BRSK1: variants seen among roughly 807,000 people sequenced by gnomAD.
The protein encoded by BRSK1 is BR serine/threonine kinase 1.
In BRSK1, 17 loss-of-function variants were observed where a neutral mutation model predicts 86.2. That is an observed-to-expected ratio of 0.20 (90% confidence interval 0.14 to 0.30). The LOEUF is 0.30. BRSK1 is among the 10% of genes least tolerant of loss of function. The pLI is 1.00. For synonymous variants in BRSK1, 464 were observed against 440.1 expected (o/e 1.05, Z -0.68); for missense variants, 719 against 1,071.9 (o/e 0.67, Z 4.60).
intron 8 of BRSK1, 147 bp from the exon 9 acceptor site, chr19:55,301,990 T>G: frequency 1.0e-6 from 1 of 998,958 alleles, no homozygotes; most frequent in Non-Finnish European, 1.6e-6. Flanking sequence ...CAGTCGCCAC[T>G]AGAGGGCGAT....
At position 55,294,044 on chromosome 19, in the gene BRSK1, G is replaced by A. The variant is rs138020752; in HGVS notation, c.486G>A (p.Leu162=). The A allele has an allele frequency of 1.1e-3, 1,728 of 1,613,796 alleles. 1 individual carries two copies. The highest frequency in any genetic ancestry group is 2.9e-3 in the Admixed American group (174 of 59,988). The part of the protein sequence containing the change: ...ICHRDLKPEN[L]LLDEKNNIRI... ...ACAGAGACCTAAAGCCCGAGAACCT[G>A]CTTTTGGATGAGAAAAACAACATCC... The change falls in exon 5 of 19, where the codon CTG becomes CTA. Residue 162 remains leucine, a synonymous_variant. Transcript: ENST00000309383. The surrounding 1 kb of genome is among the most constrained non-coding windows in gnomAD (Gnocchi z 4.9).
chr19:55,289,438 C>T, intron 3 of BRSK1, 42 bp from the exon 4 acceptor site: 2 of 1,587,080 alleles, frequency 1.3e-6, no homozygotes, highest in Non-Finnish European at 1.7e-6. Flanking sequence ...TTTGGTCCTC[C>T]ACATGCCCCT....
chr19:55,304,780 C>G lies in BRSK1; in HGVS notation c.1577C>G (p.Ala526Gly). Residue 526 changes from alanine to glycine, a missense_variant, in exon 14 of 19, where the codon GCC becomes GGC. Around this residue, in one of 6 missense-constraint regions of BRSK1, gnomAD observed 143 missense variants for 120.1 expected, o/e 1.19. Coordinates refer to ENST00000309383, the MANE Select transcript of BRSK1 (RefSeq NM_032430.2). This position sits in a 1 kb window ranked among gnomAD's most constrained non-coding sequence, Gnocchi z 5.2. ...CACTCGCCTCTGCACACGCCCCGGG[C>G]CAGTCCCACCGGGACCCCGGGGACA... ...PLHSPLHTPR[A>G]SPTGTPGTTP... 2 of 1,557,922 alleles carry G rather than the reference C, an allele frequency of 1.3e-6. No individual in the cohort carries two copies. The highest frequency in any genetic ancestry group is 2.3e-5 in the South Asian group (2 of 86,006).
At chr19:55,308,532 A>C (rs757612848) in intron 17 of BRSK1, 107 bp from the exon 18 acceptor site, 1 of 755,458 alleles carries the variant, frequency 1.3e-6, no homozygotes, top group East Asian at 2.9e-5. Context: ...ACGGAGATGC[A>C]GGGGGGGTGT....
At chr19:55,289,100 G>A (rs1373066630) in intron 3 of BRSK1, among the ~76,000 whole-genome samples, 1 of 152,158 alleles carries the variant, frequency 6.6e-6, no homozygotes, top group East Asian at 1.9e-4. Context: ...AAGAATTGGG[G>A]TCTTTGACCT....
chr19:55,284,498 A>G lies in BRSK1; in HGVS notation c.56A>G (p.His19Arg). 10 of 403,720 alleles carry G rather than the reference A, an allele frequency of 2.5e-5. No individual in the cohort carries two copies. The highest frequency in any genetic ancestry group is 3.2e-5 in the Non-Finnish European group (8 of 251,838). 25.0% of individuals were successfully genotyped at this position (403,720 alleles called of 1,614,324 possible). The change falls in exon 1 of 19, where the codon CAC becomes CGC. Residue 19 changes from histidine (H) to arginine (R), a missense_variant. Physicochemically the swap from His to Arg is conservative, Grantham distance 29. Around this residue, in one of 6 missense-constraint regions of BRSK1, gnomAD observed 71 missense variants for 92.6 expected, o/e 0.77. Coordinates refer to ENST00000309383, the MANE Select transcript of BRSK1 (RefSeq NM_032430.2). ...GGCTCTCCCGCCTACCACCTCCCCC[A>G]CCCCCACCCCCACCCACCCCAGCAC... is the stretch of plus-strand genomic sequence containing the variant. Reference protein sequence around the residue: ...GGGSPAYHLPHPHPHPPQHAQ... With the variant: ...GGGSPAYHLPRPHPHPPQHAQ...
chr19:55,289,975 G>A (rs770802682), intron 4 of BRSK1, among the ~76,000 whole-genome samples: 43 of 151,920 alleles, frequency 2.8e-4, no homozygotes, highest in Non-Finnish European at 5.3e-4. Context: ...GGAATCATAC[G>A]ATACATGGCC....
At position 55,304,977 on chromosome 19, in the gene BRSK1, T is replaced by G. The variant is rs1344124581; in HGVS notation, c.1717+57T>G. 1.9e-6 allele frequency: 3 copies of G among 1,588,914 alleles called. No individual in the cohort carries two copies. In the African/African-American group the frequency reaches 4.0e-5, roughly 21 times the overall value. On this transcript the variant is annotated intron_variant, in intron 14 of 18. Coordinates refer to ENST00000309383, the MANE Select transcript of BRSK1 (RefSeq NM_032430.2). This position sits in a 1 kb window ranked among gnomAD's most constrained non-coding sequence, Gnocchi z 5.2. The stretch of plus-strand genomic sequence containing the variant: ...TGGGGAGAGGTTGGGGCTAAAAATC[T>G]GGTTCCAGGGATGTCCGTCTGGCGT...
rs568433907 is a variant in BRSK1, at chr19:55,305,786, T to A, written c.1890+200T>A. On this transcript the variant is annotated intron_variant, in intron 16 of 18. Transcript: ENST00000309383. ...GAGGCCTGGAATTGGGGAAATAGGA[T>A]CCTGAATTGCAATGTCCTCAAGGAT... Among the ~76,000 whole-genome samples the A allele has an allele frequency of 3.9e-5, 6 of 152,238 alleles. No individual in the cohort carries two copies. The East Asian group carries it at 1.2e-3, about 29-fold the overall frequency.
rs1382569693 is a variant in BRSK1 at position 55,294,445 on chromosome 19, G to A, written c.678+48G>A. On this transcript the variant is annotated intron_variant, in intron 7 of 18. Coordinates refer to ENST00000309383, the MANE Select transcript of BRSK1 (RefSeq NM_032430.2). The surrounding 1 kb of genome is among the most constrained non-coding windows in gnomAD (Gnocchi z 4.9). ...GTCATTTCTAGATCAATCCCACCTGGTGGGAGCATAGGACAGTACCTTCCA... is the reference window on the plus strand; with the variant it reads ...GTCATTTCTAGATCAATCCCACCTGATGGGAGCATAGGACAGTACCTTCCA... The A allele has an allele frequency of 1.3e-6, 2 of 1,599,888 alleles. No homozygotes were observed. Among genetic ancestry groups the A allele is most frequent in the African/African-American group, 1.3e-5 (1 of 74,664 alleles).
intron 18 of BRSK1, among the ~76,000 whole-genome samples, chr19:55,309,032 T>C (rs1600197090): frequency 1.3e-5 from 2 of 151,954 alleles, no homozygotes; most frequent in Admixed American, 1.3e-4. Context: ...CAGGAGTCCC[T>C]AAGAAGATGA....
At chr19:55,307,446 G>A (rs2088669701) in intron 17 of BRSK1, among the ~76,000 whole-genome samples, 1 of 151,448 alleles carries the variant, frequency 6.6e-6, no homozygotes, top group Non-Finnish European at 1.5e-5. Context: ...CTACTCAGGA[G>A]GCTGAGGCAG....
intron 18 of BRSK1, 56 bp downstream of exon 18, chr19:55,308,784 CGGGGGG>C (rs2088712465): frequency 1.3e-4 from 2 of 15,122 alleles, no homozygotes; most frequent in Admixed American, 1.6e-3. Context: ...CCGTGGGTGG[CGGGGGG>C]CGTGGGTGGC....
At chr19:55,291,301 G>A (rs557483389) in intron 4 of BRSK1, among the ~76,000 whole-genome samples, 109 of 152,152 alleles carry the variant, frequency 7.2e-4, no homozygotes, top group Middle Eastern at 6.8e-3. Flanking sequence ...CACTTTGGGA[G>A]GCCAAGGCGG....
At chr19:55,308,365 C>CCTG (rs1246381269) in intron 17 of BRSK1, among the ~76,000 whole-genome samples, 4 of 105,996 alleles carry the variant, frequency 3.8e-5, no homozygotes, top group African/African-American at 1.9e-4. Flanking sequence ...TCATGGCCTC[C>CCTG]GCTAGAAACT....
At chr19:55,290,243 G>A (rs535519843) in intron 4 of BRSK1, among the ~76,000 whole-genome samples, 50 of 152,250 alleles carry the variant, frequency 3.3e-4, no homozygotes, top group African/African-American at 1.1e-3. Context: ...TGATCTGCCC[G>A]CCTAGGCCTC....
At position 55,310,610 on chromosome 19, in the gene BRSK1, A is replaced by G. The variant is rs902652920; in HGVS notation, c.2180-1301A>G. Among the ~76,000 whole-genome samples, 9 of 152,210 alleles carry G rather than the reference A, an allele frequency of 5.9e-5. No homozygotes were observed. The highest frequency in any genetic ancestry group is 7.4e-5 in the Non-Finnish European group (5 of 67,994). Reference sequence around the variant, plus strand: ...TTTCCTCCCCTCAACTGGGGAAAACAGGGGGATGCCAATGGCCTCTTGTAG... The same window carrying G: ...TTTCCTCCCCTCAACTGGGGAAAACGGGGGGATGCCAATGGCCTCTTGTAG... On this transcript the variant is annotated intron_variant, in intron 18 of 18. Coordinates refer to ENST00000309383, the MANE Select transcript of BRSK1 (RefSeq NM_032430.2). This position sits in a 1 kb window ranked among gnomAD's most constrained non-coding sequence, Gnocchi z 5.0.
At chr19:55,295,711 T>G (rs373196964) in intron 7 of BRSK1, among the ~76,000 whole-genome samples, 170 of 152,282 alleles carry the variant, frequency 1.1e-3, no homozygotes, top group African/African-American at 3.9e-3. Flanking sequence ...CTCACACCTG[T>G]AATCCCAGCA....
In BRSK1 at chr19:55,292,594, G is replaced by A. The variant is rs572676892; in HGVS notation, c.459-1423G>A. Among the ~76,000 whole-genome samples the A allele has an allele frequency of 4.6e-5, 7 of 152,258 alleles. 1 individual carries two copies. The South Asian group carries it at 1.5e-3, about 32-fold the overall frequency. ...CACGCCTGTAATCCCAGCATTTTGGGAGGCCGAGGCAGGTGGATTACCTGA... is the reference window on the plus strand; with the variant it reads ...CACGCCTGTAATCCCAGCATTTTGGAAGGCCGAGGCAGGTGGATTACCTGA... On this transcript the variant is annotated intron_variant, in intron 4 of 18. Transcript: ENST00000309383.
Sources: gnomAD v4.1 joint callset for allele counts (sites outside exome capture counted in the v4.1 genomes callset) on GRCh38, gnomAD v4.1.1 for gene constraint, gnomAD v4.1.1 regional missense constraint, Gnocchi (gnomAD v3.1) non-coding constraint, MANE v1.5 for transcripts, NCBI Gene and HGNC (gene_info 2026-07-23, HGNC 2026-07-21) for gene names.